The following PYGO1 variants were observed in gnomAD, a reference collection of about 807,000 sequenced individuals.
The protein encoded by PYGO1 is pygopus homolog 1.
A neutral mutation model predicts 29.5 loss-of-function variants in PYGO1; 6 were observed. The observed-to-expected ratio is 0.20, with a 90% CI of 0.11 to 0.40. The LOEUF (loss-of-function observed/expected upper bound fraction) is 0.40, where lower values mean the gene tolerates loss of function less well. Ranked by LOEUF, PYGO1 falls within the 10% of genes least tolerant of loss-of-function variation. The pLI is 1.00. For missense variants in PYGO1, 515 were observed against 514.9 expected, an observed-to-expected ratio of 1.00 and a Z score of 0.00; for synonymous variants, 186 against 180.5, an observed-to-expected ratio of 1.03 and a Z score of -0.24.
rs1368245400 is a variant in PYGO1 at position 55,539,941 on chromosome 15, G to A, written c.*6082C>T. The A allele has an allele frequency of 2.6e-5, 4 of 151,984 alleles. No individual in the cohort carries two copies. The highest frequency in any genetic ancestry group is 4.8e-5 in the African/African-American group (2 of 41,436). 9.4% of individuals were successfully genotyped at this position (151,984 alleles called of 1,614,324 possible). On this transcript the variant is annotated 3_prime_UTR_variant, in exon 3 of 3. Coordinates refer to ENST00000563719, the MANE Select transcript of PYGO1 (RefSeq NM_001367806.1). ...ATTTGAATTTTTAAAAAGATATGCAGTTTAAGCACTCACAAGCCTTCATTT... is the reference window on the plus strand; with the variant it reads ...ATTTGAATTTTTAAAAAGATATGCAATTTAAGCACTCACAAGCCTTCATTT...
intron 1 of PYGO1, among the ~76,000 whole-genome samples, chr15:55,572,625 G>C (rs2058984693): frequency 6.6e-6 from 1 of 151,984 alleles, no homozygotes; most frequent in Non-Finnish European, 1.5e-5. Context: ...AAAAATGGGA[G>C]AAAATATTTG....
Position 55,544,488 on chromosome 15 carries a change from G to T in PYGO1, c.*1535C>A, listed in dbSNP as rs1159706711. The T allele has an allele frequency of 6.6e-6, 1 of 152,186 alleles. No homozygotes were observed. Among genetic ancestry groups the T allele is most frequent in the African/African-American group, 2.4e-5 (1 of 41,450 alleles). 9.4% of individuals were successfully genotyped at this position (152,186 alleles called of 1,614,324 possible). A position where few individuals can be genotyped will look rare whatever the true frequency, so the allele number is the denominator to read the frequency against. ...CAAGTCACTTAACTTTGCTTTAGTA[G>T]CTTGTGACATGTGAGGTCGAGTCCT... is the stretch of plus-strand genomic sequence containing the variant. On this transcript the variant is annotated 3_prime_UTR_variant, in exon 3 of 3. Transcript: ENST00000563719.
rs569457219 is a variant in PYGO1, at chr15:55,540,574, T to C, written c.*5449A>G. Reference sequence around the variant, plus strand: ...AGACATCAGGCCATCTATTAATCCATAAATATTGATGTTTCACATACTTCA... The same window carrying C: ...AGACATCAGGCCATCTATTAATCCACAAATATTGATGTTTCACATACTTCA... On this transcript the variant is annotated 3_prime_UTR_variant, in exon 3 of 3. Transcript: ENST00000563719. 3 of 152,292 alleles carry C rather than the reference T, an allele frequency of 2.0e-5. No individual in the cohort carries two copies. Among genetic ancestry groups the C allele is most frequent in the African/African-American group, 7.2e-5 (3 of 41,588 alleles). The allele number at this position is 152,292 out of a possible 1,614,324, so 9.4% of individuals were successfully genotyped here. A position where few individuals can be genotyped will look rare whatever the true frequency, so the allele number is the denominator to read the frequency against.
intron 1 of PYGO1, among the ~76,000 whole-genome samples, chr15:55,572,991 C>T (rs1364157673): frequency 7.1e-6 from 1 of 139,998 alleles, no homozygotes; most frequent in Non-Finnish European, 1.5e-5. Flanking sequence ...AAGGTCAACA[C>T]AGTGAGACTC....
chr15:55,546,859 G>T lies in PYGO1; in HGVS notation c.424C>A (p.Arg142=), dbSNP rs199862482. 2.5e-6 allele frequency: 4 copies of T among 1,614,040 alleles called. No individual in the cohort carries two copies. The highest frequency in any genetic ancestry group is 1.3e-5 in the African/African-American group (1 of 75,008). The part of the protein sequence containing the change: ...PQNPLGMGFN[R]PHAFNFGPHD... ...GGCCCAAAGTTAAAAGCATGAGGTC[G>T]ATTAAAACCCATGCCCAGAGGATTC... Residue 142 remains arginine, a synonymous_variant, in exon 3 of 3, where the codon CGA becomes AGA. Coordinates refer to ENST00000563719, the MANE Select transcript of PYGO1 (RefSeq NM_001367806.1).
intron 1 of PYGO1, among the ~76,000 whole-genome samples, chr15:55,566,211 C>G (rs1200197205): frequency 6.6e-6 from 1 of 152,108 alleles, no homozygotes; most frequent in African/African-American, 2.4e-5. Flanking sequence ...GGTTTTCAAA[C>G]CCTGCCCCTA....
rs767170875 is a variant in PYGO1 at position 55,546,926 on chromosome 15, A to C, written c.357T>G (p.Cys119Trp). The C allele has an allele frequency of 6.2e-7, 1 of 1,614,170 alleles. No homozygotes were observed. The highest frequency in any genetic ancestry group is 8.5e-7 in the Non-Finnish European group (1 of 1,179,996). The change falls in exon 3 of 3, where the codon TGT (cysteine) becomes TGG (tryptophan). Residue 119 changes from cysteine (C) to tryptophan (W), a missense_variant. By Grantham distance (215) the Cys-to-Trp change is radical. Transcript: ENST00000563719. ...HVPPRMSSPY[C>W]GPYSLRNQPH... ...GCTGGTTCCTGAGTGAGTAAGGACC[A>C]CAGTATGGGGAAGACATTCTTGGGG...
intron 1 of PYGO1, among the ~76,000 whole-genome samples, chr15:55,567,947 G>T (rs947077136): frequency 1.3e-5 from 2 of 152,112 alleles, no homozygotes; most frequent in Non-Finnish European, 2.9e-5. Context: ...GGTCTAAATT[G>T]TTTTCGTACC....
upstream of PYGO1, chr15:55,588,954 G>A: frequency 2.0e-6 from 2 of 981,974 alleles, no homozygotes; most frequent in Non-Finnish European, 1.6e-6. Context: ...GACTCTTCAA[G>A]AAAGAGCGAC....
chr15:55,547,193 A>G (rs2058856349), intron 2 of PYGO1, 46 bp from the exon 3 acceptor site: 2 of 1,469,322 alleles, frequency 1.4e-6, no homozygotes, highest in Non-Finnish European at 1.8e-6. Flanking sequence ...GATCAAATAC[A>G]TTATTAAAAT....
intron 1 of PYGO1, among the ~76,000 whole-genome samples, chr15:55,558,856 T>A (rs1282502419): frequency 6.6e-6 from 1 of 151,918 alleles, no homozygotes; most frequent in South Asian, 2.1e-4. Context: ...AAGACTTAAA[T>A]ATTAGACCTA....
intron 1 of PYGO1, among the ~76,000 whole-genome samples, chr15:55,580,729 T>C (rs2059021711): frequency 1.3e-5 from 2 of 152,188 alleles, no homozygotes; most frequent in African/African-American, 4.8e-5. Flanking sequence ...TTAGCACATC[T>C]ACAGAGATTA....
In PYGO1 at chr15:55,545,971, T is replaced by C; in HGVS notation, c.*52A>G. On this transcript the variant is annotated 3_prime_UTR_variant, in exon 3 of 3. Transcript: ENST00000563719. Reference sequence around the variant, plus strand: ...GTAAAACATTAAAATCCTGTGTCAATGAACTTCTGCAATGCACAGGAAAAT... The same window carrying C: ...GTAAAACATTAAAATCCTGTGTCAACGAACTTCTGCAATGCACAGGAAAAT... 3.4e-6 allele frequency: 5 copies of C among 1,472,814 alleles called. No homozygotes were observed. Among genetic ancestry groups the C allele is most frequent in the African/African-American group, 1.4e-5 (1 of 70,750 alleles). The allele number at this position is 1,472,814 out of a possible 1,614,324, so 91.2% of individuals were successfully genotyped here. A position where few individuals can be genotyped will look rare whatever the true frequency, so the allele number is the denominator to read the frequency against.
intron 1 of PYGO1, among the ~76,000 whole-genome samples, chr15:55,554,928 A>C (rs903675266): frequency 1.3e-5 from 2 of 152,196 alleles, no homozygotes; most frequent in African/African-American, 4.8e-5. Context: ...CAAGTCGGAA[A>C]ACATACTTCA....
At position 55,567,335 on chromosome 15, in the gene PYGO1, G is replaced by T. The variant is rs368439439; in HGVS notation, c.50-18340C>A. 2.7e-5 allele frequency among the ~76,000 whole-genome samples: 4 copies of T among 148,554 alleles called. No individual in the cohort carries two copies. In the East Asian group the frequency reaches 8.1e-4, roughly 30 times the overall value. ...AGATTCTCCTACCTCAGCTGCCCAC[G>T]TGTCTGGGACCACAAGCATGTGCCA... On this transcript the variant is annotated intron_variant, in intron 1 of 2. Transcript: ENST00000563719.
chr15:55,549,223 GTC>G (rs547949258), intron 1 of PYGO1, among the ~76,000 whole-genome samples: 1 of 152,036 alleles, frequency 6.6e-6, no homozygotes, highest in Admixed American at 6.6e-5. Context: ...GAAAAAGCAA[GTC>G]TCTCTCTCTC....
At chr15:55,584,211 G>A (rs899155538) in intron 1 of PYGO1, among the ~76,000 whole-genome samples, 2 of 150,488 alleles carry the variant, frequency 1.3e-5, no homozygotes, top group African/African-American at 4.9e-5. Flanking sequence ...CAACCTCCCT[G>A]GGCTCAGGTG....
chr15:55,575,618 G>A (rs534108636), intron 1 of PYGO1, among the ~76,000 whole-genome samples: 64 of 152,228 alleles, frequency 4.2e-4, no homozygotes, highest in African/African-American at 1.4e-3. Context: ...AAATGAATAT[G>A]ATGCTTCTGT....
chr15:55,555,035 A>G (rs1473311012), intron 1 of PYGO1, among the ~76,000 whole-genome samples: 1 of 152,056 alleles, frequency 6.6e-6, no homozygotes, highest in African/African-American at 2.4e-5. Context: ...TGCACAAGAG[A>G]TCAACCCCAA....
Sources: gnomAD v4.1 joint callset for allele counts (sites outside exome capture counted in the v4.1 genomes callset) on GRCh38, gnomAD v4.1.1 for gene constraint, MANE v1.5 for transcripts, NCBI Gene and HGNC (gene_info 2026-07-23, HGNC 2026-07-21) for gene names.